The following NUBPL variants were observed in gnomAD, a reference collection of about 807,000 sequenced individuals.
NUBPL encodes the protein iron-sulfur cluster transfer protein NUBPL.
NUBPL carries 31 observed loss-of-function variants against 45.7 expected under a neutral mutation model. That is an observed-to-expected ratio of 0.68 (90% CI 0.51 to 0.92). The LOEUF (loss-of-function observed/expected upper bound fraction) is 0.92, where lower values mean the gene tolerates loss of function less well. NUBPL is among the 40% of genes least tolerant of loss of function. The pLI is 0.00. For synonymous variants in NUBPL, 144 were observed against 140.9 expected (o/e 1.02, Z -0.15); for missense variants, 401 against 398.7 (o/e 1.01, Z -0.05).
chr14:31,773,705 G>C (rs981778366), intron 6 of NUBPL, among the ~76,000 whole-genome samples: 27 of 152,084 alleles, frequency 1.8e-4, no homozygotes, highest in Admixed American at 1.5e-3. Context: ...TAGTAGGGTA[G>C]GACTATACCT....
At chr14:31,717,130 G>C (rs1028173251) in intron 6 of NUBPL, among the ~76,000 whole-genome samples, 3 of 152,090 alleles carry the variant, frequency 2.0e-5, no homozygotes, top group Non-Finnish European at 2.9e-5. Context: ...CTAGGAAAAA[G>C]GTCCTTCTTT....
intron 6 of NUBPL, among the ~76,000 whole-genome samples, chr14:31,721,670 A>G (rs111256892): frequency 2.0e-5 from 3 of 151,660 alleles, no homozygotes; most frequent in Admixed American, 1.3e-4. Context: ...GGTTTGTTAT[A>G]TAGGTGAACT....
chr14:31,608,214 C>T (rs2034654543), intron 4 of NUBPL, among the ~76,000 whole-genome samples: 1 of 152,066 alleles, frequency 6.6e-6, no homozygotes, highest in South Asian at 2.1e-4. Flanking sequence ...TTTTTAACAC[C>T]AGACTTGAGC....
chr14:31,798,769 G>A (rs528117297), intron 7 of NUBPL, among the ~76,000 whole-genome samples: 2 of 125,158 alleles, frequency 1.6e-5, no homozygotes, highest in South Asian at 5.4e-4. Context: ...TCCAGCCTGG[G>A]TGACAGAGCA....
intron 4 of NUBPL, among the ~76,000 whole-genome samples, chr14:31,668,689 C>A (rs1322377105): frequency 6.6e-6 from 1 of 152,180 alleles, no homozygotes; most frequent in Non-Finnish European, 1.5e-5. Context: ...GTGGTGTAGG[C>A]ACTTGAGGGA....
At chr14:31,810,193 A>T (rs964805208) in intron 7 of NUBPL, among the ~76,000 whole-genome samples, 13 of 152,086 alleles carry the variant, frequency 8.5e-5, no homozygotes, top group Non-Finnish European at 1.8e-4. Flanking sequence ...TGTCTTGTTG[A>T]TCTGTCTAAT....
intron 7 of NUBPL, among the ~76,000 whole-genome samples, chr14:31,822,227 G>A (rs903975145): frequency 6.6e-6 from 1 of 152,006 alleles, no homozygotes; most frequent in Non-Finnish European, 1.5e-5. Context: ...ATGCCTGAGG[G>A]AATGGATACC....
At chr14:31,679,892 T>TAGGAAATTAA (rs1420331268) in intron 6 of NUBPL, among the ~76,000 whole-genome samples, 1 of 152,180 alleles carries the variant, frequency 6.6e-6, no homozygotes, top group Non-Finnish European at 1.5e-5. Flanking sequence ...CTACATTTTG[T>TAGGAAATTAA]TAGAGATTCT....
chr14:31,617,746 T>C (rs2034947044), intron 4 of NUBPL, among the ~76,000 whole-genome samples: 1 of 152,202 alleles, frequency 6.6e-6, no homozygotes, highest in Non-Finnish European at 1.5e-5. Context: ...TCTTTTTTTA[T>C]TGTGTCTCTG....
chr14:31,762,087 C>T (rs2038823191), intron 6 of NUBPL, among the ~76,000 whole-genome samples: 1 of 152,122 alleles, frequency 6.6e-6, no homozygotes, highest in Non-Finnish European at 1.5e-5. Context: ...GTTGCTATAG[C>T]TAGGTTTTTG....
chr14:31,812,950 A>T (rs1277909441), intron 7 of NUBPL, among the ~76,000 whole-genome samples: 5 of 150,700 alleles, frequency 3.3e-5, no homozygotes, highest in Admixed American at 1.3e-4. Context: ...AGTGGTTCCT[A>T]AGTGAACTCA....
chr14:31,755,474 T>C (rs2038638533), intron 6 of NUBPL, among the ~76,000 whole-genome samples: 1 of 152,262 alleles, frequency 6.6e-6, no homozygotes, highest in Non-Finnish European at 1.5e-5. Context: ...TTTCATGTGT[T>C]TTTTGGCTTC....
chr14:31,563,448 C>T (rs1315465966), intron 2 of NUBPL, among the ~76,000 whole-genome samples: 1 of 152,152 alleles, frequency 6.6e-6, no homozygotes, highest in African/African-American at 2.4e-5. Flanking sequence ...GTAATGGGTG[C>T]TTCAGTAAAT....
At chr14:31,589,875 C>G (rs2034098667) in intron 3 of NUBPL, among the ~76,000 whole-genome samples, 1 of 152,200 alleles carries the variant, frequency 6.6e-6, no homozygotes, top group South Asian at 2.1e-4. Flanking sequence ...GTTTCCTCCT[C>G]AGTACTCTTT....
intron 7 of NUBPL, among the ~76,000 whole-genome samples, chr14:31,812,731 G>A (rs559691642): frequency 1.3e-5 from 2 of 152,302 alleles, no homozygotes; most frequent in South Asian, 2.1e-4. Flanking sequence ...CACACTGGGA[G>A]CTGCAGACCG....
intron 6 of NUBPL, among the ~76,000 whole-genome samples, chr14:31,711,595 G>A (rs986399430): frequency 7.2e-5 from 11 of 152,066 alleles, no homozygotes; most frequent in African/African-American, 2.4e-4. Context: ...GAATGAAGCC[G>A]CAGACCCTCA....
At chr14:31,789,854 G>A (rs1009831884) in intron 7 of NUBPL, among the ~76,000 whole-genome samples, 2 of 151,390 alleles carry the variant, frequency 1.3e-5, no homozygotes, top group African/African-American at 4.9e-5. Context: ...ATATGAGATG[G>A]GAGTAAAATG....
chr14:31,854,028 A>G (rs1254780972), intron 10 of NUBPL, among the ~76,000 whole-genome samples: 1 of 152,238 alleles, frequency 6.6e-6, no homozygotes, highest in East Asian at 1.9e-4. Flanking sequence ...GTGCTATAAG[A>G]TATTCCTGGT....
chr14:31,620,945 C>T (rs972566305), intron 4 of NUBPL, among the ~76,000 whole-genome samples: 2 of 152,188 alleles, frequency 1.3e-5, no homozygotes, highest in Non-Finnish European at 2.9e-5. Context: ...AAGTCCCTGA[C>T]TGGGGCTGCT....
Sources: gnomAD v4.1 joint callset for allele counts (sites outside exome capture counted in the v4.1 genomes callset) on GRCh38, gnomAD v4.1.1 for gene constraint, MANE v1.5 for transcripts, NCBI Gene and HGNC (gene_info 2026-07-23, HGNC 2026-07-21) for gene names.